Variants in PGRMC2 observed in about 807,000 individuals in gnomAD.
The protein encoded by PGRMC2 is membrane-associated progesterone receptor component 2.
PGRMC2 carries 9 observed loss-of-function variants against 19.3 expected under a neutral mutation model. The observed-to-expected ratio is 0.47, with a 90% CI of 0.28 to 0.81. The LOEUF is 0.81. Ranked by LOEUF, PGRMC2 falls within the 40% of genes least tolerant of loss-of-function variation. The pLI is 0.11. For synonymous variants in PGRMC2, 157 were observed against 124.6 expected (o/e 1.26, Z -1.73); for missense variants, 289 against 297.3 (o/e 0.97, Z 0.21).
At chr4:128,278,607 G>A (rs1049030014) in intron 1 of PGRMC2, among the ~76,000 whole-genome samples, 2 of 151,716 alleles carry the variant, frequency 1.3e-5, no homozygotes, top group Non-Finnish European at 2.9e-5. Flanking sequence ...CACCAAATTT[G>A]GACTCTAATT....
At chr4:128,278,446 C>T (rs1478448064) in intron 1 of PGRMC2, among the ~76,000 whole-genome samples, 1 of 152,072 alleles carries the variant, frequency 6.6e-6, no homozygotes, top group Non-Finnish European at 1.5e-5. Flanking sequence ...GTGGTGGGCG[C>T]CTGTAATCCC....
chr4:128,278,378 G>C (rs181727125), intron 1 of PGRMC2, among the ~76,000 whole-genome samples: 10 of 152,206 alleles, frequency 6.6e-5, no homozygotes, highest in Admixed American at 5.2e-4. Flanking sequence ...AGACCAACCT[G>C]GCCAAGATGG....
chr4:128,285,317 C>A (rs1339273219), intron 1 of PGRMC2, among the ~76,000 whole-genome samples: 1 of 152,080 alleles, frequency 6.6e-6, no homozygotes, highest in Non-Finnish European at 1.5e-5. Context: ...TTAGTAGAGA[C>A]GAGGTTTTGT....
At chr4:128,284,310 C>T (rs1317748231) in intron 1 of PGRMC2, among the ~76,000 whole-genome samples, 1 of 152,146 alleles carries the variant, frequency 6.6e-6, no homozygotes, top group Non-Finnish European at 1.5e-5. Context: ...ACCTAAAATA[C>T]CTAGACCTCA....
At chr4:128,275,189 A>T (rs2110559473) in intron 1 of PGRMC2, among the ~76,000 whole-genome samples, 1 of 152,352 alleles carries the variant, frequency 6.6e-6, no homozygotes, top group Non-Finnish European at 1.5e-5. Context: ...AGCTTTTCTA[A>T]GCATTCTATT....
Position 128,269,691 on chromosome 4 carries a change from T to C in PGRMC2, c.*1625A>G, listed in dbSNP as rs983192936. ...TGTTAAATAACATTGCCTTTTTAAG[T>C]GAACTTGTCCCCAGCCCGGAACCTA... On this transcript the variant is annotated 3_prime_UTR_variant, in exon 3 of 3. Coordinates refer to ENST00000296425, the MANE Select transcript of PGRMC2 (RefSeq NM_006320.6). The C allele has an allele frequency of 1.3e-5, 2 of 152,204 alleles. No individual in the cohort carries two copies. The highest frequency in any genetic ancestry group is 4.8e-5 in the African/African-American group (2 of 41,458). The allele number at this position is 152,204 out of a possible 1,614,324, so 9.4% of individuals were successfully genotyped here. A position where few individuals can be genotyped will look rare whatever the true frequency, so the allele number is the denominator to read the frequency against.
chr4:128,275,180 G>T (rs1283684483), intron 1 of PGRMC2, among the ~76,000 whole-genome samples: 1 of 152,120 alleles, frequency 6.6e-6, no homozygotes, highest in Non-Finnish European at 1.5e-5. Context: ...CTACTTAATA[G>T]CTTTTCTAAG....
At chr4:128,273,207 T>A (rs1412978764) in intron 1 of PGRMC2, 1 of 152,248 alleles carries the variant, frequency 6.6e-6, no homozygotes, top group Non-Finnish European at 1.5e-5. Context: ...TAGCTCTTAC[T>A]TGTCATGACT....
Position 128,287,554 on chromosome 4 carries a change from A to G in PGRMC2, c.237T>C (p.Gly79=), listed in dbSNP as rs769224020. ...YRLWVRWGRR[G]LGAGAGAGEE... ...CGCCCGCCCCGGCCCCGGCCCCCAG[A>G]CCCCGCCGCCCCCAGCGCACCCACA... is the stretch of plus-strand genomic sequence containing the variant. Residue 79 remains glycine, a synonymous_variant, in exon 1 of 3, where the codon GGT becomes GGC. Transcript: ENST00000296425. The G allele has an allele frequency of 9.7e-6, 9 of 924,748 alleles. No homozygotes were observed. The highest frequency in any genetic ancestry group is 4.5e-5 in the South Asian group (3 of 67,098). 57.3% of individuals were successfully genotyped at this position (924,748 alleles called of 1,614,324 possible).
At chr4:128,280,717 A>T (rs1760896432) in intron 1 of PGRMC2, among the ~76,000 whole-genome samples, 1 of 151,754 alleles carries the variant, frequency 6.6e-6, no homozygotes. Context: ...AATACCTCAG[A>T]CTCTTGAGTA....
intron 1 of PGRMC2, among the ~76,000 whole-genome samples, chr4:128,279,582 T>A (rs1333896489): frequency 6.6e-6 from 1 of 152,204 alleles, no homozygotes; most frequent in African/African-American, 2.4e-5. Flanking sequence ...TAAAATGACA[T>A]GTACATATTT....
rs1761007885 is a variant in PGRMC2, at chr4:128,287,610, C to T, written c.181G>A (p.Val61Met). The T allele has an allele frequency of 1.3e-6, 2 of 1,538,558 alleles. No homozygotes were observed. Among genetic ancestry groups the T allele is most frequent in the Non-Finnish European group, 1.7e-6 (2 of 1,145,094 alleles). Reference sequence around the variant, plus strand: ...TAGGCCCCCAGCAGCACCAGAGCCACCAGCGCCACGTTCAGCAGCATTTCC... The same window carrying T: ...TAGGCCCCCAGCAGCACCAGAGCCATCAGCGCCACGTTCAGCAGCATTTCC... ...GGEMLLNVALVALVLLGAYRL... is the reference protein window; with the variant it reads ...GGEMLLNVALMALVLLGAYRL... Residue 61 changes from valine (V) to methionine (M), a missense_variant, in exon 1 of 3, where the codon GTG becomes ATG. Transcript: ENST00000296425.
intron 1 of PGRMC2, among the ~76,000 whole-genome samples, chr4:128,274,537 A>G (rs72683957): frequency 0.064 from 8,187 of 128,088 alleles, 868 homozygotes; most frequent in African/African-American, 0.17. Context: ...AAAAAAAAAA[A>G]GGTATTAACC....
chr4:128,274,860 A>T (rs1431049227), intron 1 of PGRMC2, among the ~76,000 whole-genome samples: 1 of 152,228 alleles, frequency 6.6e-6, no homozygotes, highest in African/African-American at 2.4e-5. Flanking sequence ...ATTTTCCAGC[A>T]ACCTCACTTT....
At chr4:128,281,765 G>T (rs1291874889) in intron 1 of PGRMC2, among the ~76,000 whole-genome samples, 3 of 152,248 alleles carry the variant, frequency 2.0e-5, no homozygotes, top group Admixed American at 2.0e-4. Flanking sequence ...TCAGATAAAG[G>T]CTGAAGTAAA....
intron 1 of PGRMC2, among the ~76,000 whole-genome samples, chr4:128,280,701 G>C (rs763708670): frequency 6.6e-6 from 1 of 152,004 alleles, no homozygotes; most frequent in Non-Finnish European, 1.5e-5. Flanking sequence ...GGGCTCAAGC[G>C]ATCTTAATAC....
At chr4:128,284,836 A>G (rs537491755) in intron 1 of PGRMC2, among the ~76,000 whole-genome samples, 7 of 152,322 alleles carry the variant, frequency 4.6e-5, no homozygotes, top group African/African-American at 1.7e-4. Context: ...TGGCTTTAAG[A>G]TTTTTTGAAA....
intron 2 of PGRMC2, among the ~76,000 whole-genome samples, chr4:128,272,093 G>A (rs1237330631): frequency 2.0e-5 from 3 of 151,884 alleles, no homozygotes; most frequent in Non-Finnish European, 4.4e-5. Context: ...TTTTTATTTA[G>A]CTATTTTTTG....
intron 1 of PGRMC2, among the ~76,000 whole-genome samples, chr4:128,278,208 C>T (rs978670995): frequency 1.3e-5 from 2 of 152,096 alleles, no homozygotes; most frequent in African/African-American, 4.8e-5. Flanking sequence ...ACTCAAATAT[C>T]TATAAGAATT....
Sources: allele counts gnomAD v4.1 joint callset (sites outside exome capture counted in the v4.1 genomes callset), GRCh38; gene constraint gnomAD v4.1.1; transcripts MANE v1.5; gene names NCBI Gene and HGNC (gene_info 2026-07-23, HGNC 2026-07-21).